Variants in UFD1 observed in about 807,000 individuals in gnomAD.
UFD1 encodes the protein ubiquitin recognition factor in ER-associated degradation protein 1.
In UFD1, 13 loss-of-function variants were observed where a neutral mutation model predicts 45.9. That is an observed-to-expected ratio of 0.28 (90% CI 0.18 to 0.45). The LOEUF is 0.45. UFD1 is among the 20% of genes least tolerant of loss of function. The probability of loss-of-function intolerance (pLI) is 1.00; values close to 1 mark genes in which losing one functional copy is unlikely to be tolerated. For missense variants in UFD1, 218 were observed against 389.2 expected, an observed-to-expected ratio of 0.56 and a Z score of 3.70; for synonymous variants, 128 against 139.2, an observed-to-expected ratio of 0.92 and a Z score of 0.56.
chr22:19,472,593 C>T (rs953587999), intron 3 of UFD1, among the ~76,000 whole-genome samples: 2 of 152,122 alleles, frequency 1.3e-5, no homozygotes, highest in African/African-American at 4.8e-5. Context: ...GAAGGGCTGG[C>T]AAAAAGAGGC....
At chr22:19,467,809 T>C (rs2089814065) in intron 5 of UFD1, 64 bp downstream of exon 5, 1 of 1,597,698 alleles carries the variant, frequency 6.3e-7, no homozygotes, top group Non-Finnish European at 8.5e-7. Flanking sequence ...CAGTACATGA[T>C]GTTTAACAAC....
chr22:19,453,842 A>G, intron 11 of UFD1: 2 of 985,500 alleles, frequency 2.0e-6, no homozygotes, highest in Non-Finnish European at 2.4e-6. Context: ...GGCTCAGTAC[A>G]TCTGCCCTCT....
intron 3 of UFD1, 59 bp from the exon 4 acceptor site, chr22:19,471,867 C>T: frequency 1.3e-6 from 2 of 1,568,026 alleles, no homozygotes; most frequent in Non-Finnish European, 1.7e-6. Context: ...CTGTTCGGCC[C>T]ACGCCTTCCC....
At chr22:19,454,710 C>G (rs1363960320) in intron 11 of UFD1, 39 bp downstream of exon 11, 9 of 1,613,470 alleles carry the variant, frequency 5.6e-6, no homozygotes, top group Non-Finnish European at 7.6e-6. Context: ...AATAAATCTC[C>G]TCATTACCAA....
At position 19,475,611 on chromosome 22, in the gene UFD1, AG is replaced by A; in HGVS notation, c.4-10del. Reference sequence around the variant, plus strand: ...AACATGTTGAAAGAGAACTAGAAGGAGGAAAGAGAAACAAGTATTAAAACAA... The same window carrying A: ...AACATGTTGAAAGAGAACTAGAAGGAGAAAGAGAAACAAGTATTAAAACAA... On this transcript the variant is annotated splice_polypyrimidine_tract_variant and intron_variant, in intron 1 of 11. Transcript: ENST00000263202. The A allele has an allele frequency of 1.2e-6, 2 of 1,613,864 alleles. No homozygotes were observed. The highest frequency in any genetic ancestry group is 1.7e-6 in the Non-Finnish European group (2 of 1,179,928).
At chr22:19,450,832 A>T in intron 11 of UFD1, 88 bp from the exon 12 acceptor site, 1 of 1,599,596 alleles carries the variant, frequency 6.3e-7, no homozygotes, top group East Asian at 2.2e-5. Context: ...TACCATCCAC[A>T]TTACTCATAA....
chr22:19,455,861 G>A, intron 9 of UFD1, 93 bp from the exon 10 acceptor site: 1 of 1,187,338 alleles, frequency 8.4e-7, no homozygotes, highest in Non-Finnish European at 1.2e-6. Flanking sequence ...TGAGCTGGGG[G>A]TGCTGTGCAG....
intron 4 of UFD1, among the ~76,000 whole-genome samples, chr22:19,468,697 T>A (rs2089821854): frequency 6.6e-6 from 1 of 152,008 alleles, no homozygotes; most frequent in Non-Finnish European, 1.5e-5. Context: ...GACATATACA[T>A]CAGTAGAAAG....
chr22:19,455,617 C>T, intron 10 of UFD1, 63 bp downstream of exon 10: 1 of 1,548,406 alleles, frequency 6.5e-7, no homozygotes, highest in Non-Finnish European at 8.8e-7. Flanking sequence ...GTGAGGCTGC[C>T]CGACCCCAGC....
chr22:19,479,186 GCC>G lies in UFD1; in HGVS notation c.-103_-102del. The G allele has an allele frequency of 1.9e-6, 3 of 1,576,152 alleles. No individual in the cohort carries two copies. In the South Asian group the frequency reaches 3.5e-5, roughly 18 times the overall value. ...GCCGCTGCCGCTGCCGCCGCGCCAAGCCGGTACGCCCCAGAGGCTCACCGGAA... is the reference window on the plus strand; with the variant it reads ...GCCGCTGCCGCTGCCGCCGCGCCAAGGGTACGCCCCAGAGGCTCACCGGAA... On this transcript the variant is annotated 5_prime_UTR_variant, in exon 1 of 12. Transcript: ENST00000263202.
At chr22:19,462,325 T>A (rs1482882700) in intron 6 of UFD1, among the ~76,000 whole-genome samples, 1 of 152,178 alleles carries the variant, frequency 6.6e-6, no homozygotes, top group Admixed American at 6.5e-5. Context: ...ATTAACTTTA[T>A]TGAATTGTAA....
chr22:19,479,142 G>A lies in UFD1; in HGVS notation c.-57C>T, dbSNP rs1484407968. Reference sequence around the variant, plus strand: ...TCAGGCAATGCAACGAAGAAACCCCGCCGACCGCTCTCCCAGCCGCCGCTG... The same window carrying A: ...TCAGGCAATGCAACGAAGAAACCCCACCGACCGCTCTCCCAGCCGCCGCTG... On this transcript the variant is annotated 5_prime_UTR_variant, in exon 1 of 12. Transcript: ENST00000263202. The A allele has an allele frequency of 6.3e-6, 10 of 1,598,658 alleles. No homozygotes were observed. Among genetic ancestry groups the A allele is most frequent in the Non-Finnish European group, 7.7e-6 (9 of 1,173,722 alleles).
chr22:19,453,690 G>A, intron 11 of UFD1: 11 of 985,480 alleles, frequency 1.1e-5, no homozygotes, highest in Non-Finnish European at 1.3e-5. Flanking sequence ...GTTTCAACTT[G>A]AACATTGAGC....
chr22:19,457,952 C>T (rs1294168866), intron 7 of UFD1, 119 bp downstream of exon 7: 3 of 1,000,794 alleles, frequency 3.0e-6, no homozygotes, highest in African/African-American at 3.2e-5. Context: ...CATCTTCCTC[C>T]TCTTTACCCA....
At chr22:19,469,595 C>T (rs368928689) in intron 4 of UFD1, among the ~76,000 whole-genome samples, 21 of 152,322 alleles carry the variant, frequency 1.4e-4, no homozygotes, top group Non-Finnish European at 2.8e-4. Flanking sequence ...GGTCAGCAGA[C>T]GAAGCCTTGG....
intron 4 of UFD1, among the ~76,000 whole-genome samples, chr22:19,468,927 G>A (rs904094327): frequency 4.6e-5 from 7 of 152,216 alleles, no homozygotes; most frequent in African/African-American, 1.7e-4. Flanking sequence ...TGAGGGCTGT[G>A]TCACAAATGA....
intron 7 of UFD1, 71 bp downstream of exon 7, chr22:19,458,000 G>A (rs1222272652): frequency 3.2e-6 from 5 of 1,542,942 alleles, no homozygotes; most frequent in Non-Finnish European, 4.5e-6. Flanking sequence ...CTGACACCCT[G>A]GCCTGCAGTG....
chr22:19,466,912 G>A lies in UFD1; in HGVS notation c.422+961C>T, dbSNP rs535653004. On this transcript the variant is annotated intron_variant, in intron 5 of 11. Coordinates refer to ENST00000263202, the MANE Select transcript of UFD1 (RefSeq NM_005659.7). ...TTCCTGGTCACTGACAGCCAAACAA[G>A]CATGTCTAGGTCAGAGCTCTGAAGG... is the stretch of plus-strand genomic sequence containing the variant. 5.9e-5 allele frequency: 9 copies of A among 152,320 alleles called. No homozygotes were observed. In the East Asian group the frequency reaches 1.7e-3, roughly 29 times the overall value. 9.4% of individuals were successfully genotyped at this position (152,320 alleles called of 1,614,324 possible).
chr22:19,477,872 T>G (rs2089898259), intron 1 of UFD1, among the ~76,000 whole-genome samples: 1 of 152,206 alleles, frequency 6.6e-6, no homozygotes, highest in South Asian at 2.1e-4. Flanking sequence ...GGATGGTTCT[T>G]TACTCCCTGG....
Sources: allele counts gnomAD v4.1 joint callset (sites outside exome capture counted in the v4.1 genomes callset), GRCh38; gene constraint gnomAD v4.1.1; transcripts MANE v1.5; gene names NCBI Gene and HGNC (gene_info 2026-07-23, HGNC 2026-07-21).